The following ATG10 variants were observed in gnomAD, a reference collection of about 807,000 sequenced individuals.
The protein encoded by ATG10 is ubiquitin-like-conjugating enzyme ATG10.
Under a neutral mutation model 32.1 loss-of-function variants are expected in ATG10, and 30 were observed. The ratio of observed to expected loss-of-function variants is 0.94; its 90% CI spans 0.70 to 1.27. The LOEUF (loss-of-function observed/expected upper bound fraction) is 1.27. Among genes scored for constraint, ATG10 ranks in the 50% most tolerant of loss-of-function variants. ATG10 has a pLI of 0.00. For missense variants in ATG10, 233 were observed against 262.3 expected (o/e 0.89, Z 0.77); for synonymous variants, 87 against 91.5 (o/e 0.95, Z 0.28).
intron 3 of ATG10, among the ~76,000 whole-genome samples, chr5:82,072,545 G>T (rs1277726813): frequency 6.6e-6 from 1 of 152,098 alleles, no homozygotes; most frequent in East Asian, 1.9e-4. Flanking sequence ...CTGTAGAAAG[G>T]CTTTTTGTGA....
chr5:82,043,390 G>A (rs1391676268), intron 2 of ATG10, among the ~76,000 whole-genome samples: 1 of 152,196 alleles, frequency 6.6e-6, no homozygotes, highest in African/African-American at 2.4e-5. Flanking sequence ...GGGCTGTCAT[G>A]GGACGGGCTG....
intron 3 of ATG10, among the ~76,000 whole-genome samples, chr5:82,112,282 TGAATAAC>T (rs1052338560): frequency 1.3e-5 from 2 of 151,940 alleles, no homozygotes; most frequent in Non-Finnish European, 2.9e-5. Context: ...ACAAATTTAA[TGAATAAC>T]AATAATTTGA....
At position 82,155,230 on chromosome 5, in the gene ATG10, T is replaced by C. The variant is rs115249990; in HGVS notation, c.217-9169T>C. ...TTCAGCCCATTGGATTTAATTATCA[T>C]TGTCCTTTTAAGGCTCAGAATTTCT... On this transcript the variant is annotated intron_variant, in intron 3 of 7. Coordinates refer to ENST00000282185, the MANE Select transcript of ATG10 (RefSeq NM_031482.5). Among the ~76,000 whole-genome samples the C allele has an allele frequency of 5.3e-3, 800 of 152,314 alleles. 6 individuals carry two copies. The highest frequency in any genetic ancestry group is 0.018 in the African/African-American group (754 of 41,576).
rs1745002542 is a variant in ATG10, at chr5:82,199,995, C to A, written c.453+21408C>A. 2.6e-5 allele frequency among the ~76,000 whole-genome samples: 4 copies of A among 152,122 alleles called. No homozygotes were observed. The South Asian group carries it at 8.3e-4, about 32-fold the overall frequency. On this transcript the variant is annotated intron_variant, in intron 5 of 7. Coordinates refer to ENST00000282185, the MANE Select transcript of ATG10 (RefSeq NM_031482.5). ...TAACTTTTTATTGCTGAGTAGTATT[C>A]CATTGTATGAATGTACAGCATTTGG...
chr5:82,099,904 A>G (rs537835560), intron 3 of ATG10, among the ~76,000 whole-genome samples: 1 of 150,560 alleles, frequency 6.6e-6, no homozygotes, highest in South Asian at 2.1e-4. Flanking sequence ...TCAATCAATC[A>G]CTAGTCAAGT....
chr5:82,013,260 A>G (rs868408030), intron 2 of ATG10, among the ~76,000 whole-genome samples: 1 of 152,120 alleles, frequency 6.6e-6, no homozygotes, highest in Admixed American at 6.6e-5. Flanking sequence ...CCATTGTATC[A>G]TTCTTATGCC....
intron 5 of ATG10, among the ~76,000 whole-genome samples, chr5:82,222,072 T>G (rs1745949676): frequency 6.6e-6 from 1 of 152,248 alleles, no homozygotes; most frequent in South Asian, 2.1e-4. Context: ...GTCTGATGGT[T>G]TGAAGAGTAC....
chr5:82,078,996 A>G (rs2149778432), intron 3 of ATG10, among the ~76,000 whole-genome samples: 1 of 152,240 alleles, frequency 6.6e-6, no homozygotes, highest in South Asian at 2.1e-4. Context: ...TATGCATGCT[A>G]ATGGGACTCT....
intron 3 of ATG10, among the ~76,000 whole-genome samples, chr5:82,093,667 TGGTA>T (rs1764962302): frequency 6.6e-6 from 1 of 152,236 alleles, no homozygotes. Context: ...TTTGCATGTA[TGGTA>T]ATTTTTTATC....
intron 5 of ATG10, among the ~76,000 whole-genome samples, chr5:82,181,916 T>C (rs73768638): frequency 0.016 from 2,504 of 152,244 alleles, 72 homozygotes; most frequent in African/African-American, 0.057. Flanking sequence ...GGTGATTACT[T>C]ACCTGCTTTT....
At chr5:82,025,877 T>G (rs1270899983) in intron 2 of ATG10, among the ~76,000 whole-genome samples, 1 of 152,202 alleles carries the variant, frequency 6.6e-6, no homozygotes, top group Non-Finnish European at 1.5e-5. Flanking sequence ...TCTGATAAAC[T>G]TGTCATCATC....
intron 2 of ATG10, among the ~76,000 whole-genome samples, chr5:82,052,763 A>C (rs1763471638): frequency 6.6e-6 from 1 of 152,128 alleles, no homozygotes; most frequent in South Asian, 2.1e-4. Flanking sequence ...CTGCGCTTTA[A>C]AAAATAACTT....
chr5:81,987,829 C>G (rs1051085251), intron 2 of ATG10, 151 bp downstream of exon 2: 2 of 584,758 alleles, frequency 3.4e-6, no homozygotes, highest in African/African-American at 1.9e-5. Context: ...GAATGTCTTA[C>G]AACAGATGTC....
chr5:82,103,911 A>G (rs1014253336), intron 3 of ATG10, among the ~76,000 whole-genome samples: 8 of 152,136 alleles, frequency 5.3e-5, no homozygotes, highest in African/African-American at 1.9e-4. Context: ...TTGTTACACT[A>G]CAATTTATTT....
At chr5:81,983,049 A>C (rs1270553612) in intron 1 of ATG10, among the ~76,000 whole-genome samples, 2 of 152,038 alleles carry the variant, frequency 1.3e-5, no homozygotes. Flanking sequence ...ATCATGGCCC[A>C]TTCTCAATGA....
intron 5 of ATG10, among the ~76,000 whole-genome samples, chr5:82,216,266 C>T (rs1745676535): frequency 6.6e-6 from 1 of 152,202 alleles, no homozygotes; most frequent in Non-Finnish European, 1.5e-5. Context: ...AAAAGAGATT[C>T]AACTTAGTGA....
intron 5 of ATG10, among the ~76,000 whole-genome samples, chr5:82,228,327 A>T (rs1278228043): frequency 6.6e-6 from 1 of 152,176 alleles, no homozygotes; most frequent in East Asian, 1.9e-4. Context: ...ATTTTATAAT[A>T]TATTTATGTT....
intron 4 of ATG10, among the ~76,000 whole-genome samples, chr5:82,167,395 A>T (rs960848842): frequency 6.6e-6 from 1 of 152,238 alleles, no homozygotes; most frequent in African/African-American, 2.4e-5. Flanking sequence ...GTATGTATAT[A>T]TATGGCTTAT....
chr5:81,983,221 C>T (rs539380199), intron 1 of ATG10, among the ~76,000 whole-genome samples: 158 of 138,454 alleles, frequency 1.1e-3, no homozygotes, highest in African/African-American at 2.9e-3. Flanking sequence ...GGCGACTGGC[C>T]GGGCTGGGGG....
Sources: gnomAD v4.1 joint callset for allele counts (sites outside exome capture counted in the v4.1 genomes callset) on GRCh38, gnomAD v4.1.1 for gene constraint, MANE v1.5 for transcripts, NCBI Gene and HGNC (gene_info 2026-07-23, HGNC 2026-07-21) for gene names.